CNTN1: variants seen among roughly 807,000 people sequenced by gnomAD.
CNTN1 encodes contactin-1.
In CNTN1, 38 loss-of-function variants were observed where a neutral mutation model predicts 126.4. The ratio of observed to expected loss-of-function variants is 0.30; its 90% CI spans 0.23 to 0.39. CNTN1 has a LOEUF of 0.39. CNTN1 is among the 10% of genes least tolerant of loss of function. The pLI is 1.00. For synonymous variants in CNTN1, 413 were observed against 422.6 expected, an observed-to-expected ratio of 0.98 and a Z score of 0.28; for missense variants, 1,009 against 1,248.4, an observed-to-expected ratio of 0.81 and a Z score of 2.89.
At chr12:41,038,225 G>T (rs2120923608) in intron 23 of CNTN1, among the ~76,000 whole-genome samples, 1 of 152,174 alleles carries the variant, frequency 6.6e-6, no homozygotes, top group African/African-American at 2.4e-5. Flanking sequence ...TTTTAAAGTG[G>T]CAAAAGTCAA....
intron 1 of CNTN1, among the ~76,000 whole-genome samples, chr12:40,862,065 A>AG (rs1262179805): frequency 2.0e-5 from 3 of 150,728 alleles, no homozygotes; most frequent in Non-Finnish European, 4.4e-5. Context: ...AATAAAGAAA[A>AG]AAAAAAATAG....
At chr12:41,032,149 C>T (rs1949156748) in intron 23 of CNTN1, among the ~76,000 whole-genome samples, 1 of 152,138 alleles carries the variant, frequency 6.6e-6, no homozygotes, top group Non-Finnish European at 1.5e-5. Context: ...GGCCCTGCTG[C>T]AATTCTAATG....
At position 41,071,898 on chromosome 12, in the gene CNTN1, A is replaced by G. The variant is rs1314736571; in HGVS notation, c.*1863A>G. 6.6e-6 allele frequency: 1 copy of G among 152,206 alleles called. No individual in the cohort carries two copies. The highest frequency in any genetic ancestry group is 1.5e-5 in the Non-Finnish European group (1 of 68,022). 9.4% of individuals were successfully genotyped at this position (152,206 alleles called of 1,614,324 possible). A position where few individuals can be genotyped will look rare whatever the true frequency, so the allele number is the denominator to read the frequency against. Reference sequence around the variant, plus strand: ...TGTGACCCATGTTGGGCATTTTTATATAATCAACAACTAAATCTTTTGCCA... The same window carrying G: ...TGTGACCCATGTTGGGCATTTTTATGTAATCAACAACTAAATCTTTTGCCA... On this transcript the variant is annotated 3_prime_UTR_variant, in exon 24 of 24. Coordinates refer to ENST00000551295, the MANE Select transcript of CNTN1 (RefSeq NM_001843.4).
intron 6 of CNTN1, among the ~76,000 whole-genome samples, chr12:40,925,689 C>T (rs1945645761): frequency 7.0e-6 from 1 of 142,506 alleles, no homozygotes; most frequent in South Asian, 2.2e-4. Context: ...TGATTTTCTC[C>T]ACAATAGGAG....
chr12:41,061,745 A>G, intron 23 of CNTN1: 1 of 455,352 alleles, frequency 2.2e-6, no homozygotes, highest in Non-Finnish European at 4.4e-6. Flanking sequence ...ATAACATTAA[A>G]CCCTATCATT....
intron 23 of CNTN1, among the ~76,000 whole-genome samples, chr12:41,037,663 T>TAC (rs55890336): frequency 0.098 from 14,117 of 144,356 alleles, 655 homozygotes; most frequent in Middle Eastern, 0.14. Flanking sequence ...GTGTGTTTAA[T>TAC]ACACACACAC....
In CNTN1 at chr12:40,949,460, A is replaced by G. The variant is rs572127617; in HGVS notation, c.1683+5290A>G. On this transcript the variant is annotated intron_variant, in intron 14 of 23. Transcript: ENST00000551295. ...CCCACAACAGTCCCCAGAGTGTGAT[A>G]TTCCCCTTCCTGTGTCCATGTGATC... 1.1e-3 allele frequency among the ~76,000 whole-genome samples: 134 copies of G among 120,592 alleles called. 1 individual carries two copies. The highest frequency in any genetic ancestry group is 3.7e-3 in the East Asian group (14 of 3,746). The allele number at this position is 120,592 out of a possible 152,430, so 79.1% of individuals were successfully genotyped here. A position where few individuals can be genotyped will look rare whatever the true frequency, so the allele number is the denominator to read the frequency against.
intron 1 of CNTN1, among the ~76,000 whole-genome samples, chr12:40,891,975 G>A (rs1010789857): frequency 6.6e-6 from 1 of 152,030 alleles, no homozygotes; most frequent in Non-Finnish European, 1.5e-5. Context: ...ATCAAGCTGG[G>A]CAGAACTGAT....
At chr12:40,922,198 C>T in intron 4 of CNTN1, 58 bp from the exon 5 acceptor site, 1 of 1,459,094 alleles carries the variant, frequency 6.9e-7, no homozygotes, top group South Asian at 1.1e-5. Context: ...TGTGTTAGCT[C>T]CGTAGAGTTT....
At chr12:40,919,689 G>A (rs1267494047) in intron 4 of CNTN1, among the ~76,000 whole-genome samples, 1 of 152,072 alleles carries the variant, frequency 6.6e-6, no homozygotes, top group East Asian at 1.9e-4. Context: ...ACAGTACTCA[G>A]TTTTTTCCTG....
intron 14 of CNTN1, among the ~76,000 whole-genome samples, chr12:40,945,621 T>C (rs935663716): frequency 4.0e-5 from 6 of 150,952 alleles, no homozygotes; most frequent in Non-Finnish European, 5.9e-5. Flanking sequence ...TTCTTTAAAA[T>C]ACTAATTACA....
chr12:40,796,272 A>G (rs189711526), intron 1 of CNTN1, among the ~76,000 whole-genome samples: 14 of 152,226 alleles, frequency 9.2e-5, no homozygotes, highest in African/African-American at 3.1e-4. Flanking sequence ...ACATTAAAGC[A>G]ATCATGGTAT....
chr12:40,941,529 T>TTGA (rs1318993856), intron 12 of CNTN1, among the ~76,000 whole-genome samples: 1 of 152,162 alleles, frequency 6.6e-6, no homozygotes, highest in Admixed American at 6.6e-5. Context: ...GCTATGTATC[T>TTGA]TGATAAATAG....
chr12:40,949,573 T>C (rs1015480690), intron 14 of CNTN1, among the ~76,000 whole-genome samples: 33 of 97,556 alleles, frequency 3.4e-4, no homozygotes, highest in African/African-American at 1.0e-3. Flanking sequence ...TTCTTTCTTT[T>C]TTTTTTTTTT....
intron 2 of CNTN1, among the ~76,000 whole-genome samples, chr12:40,909,708 C>T (rs1412680948): frequency 1.3e-5 from 2 of 151,442 alleles, no homozygotes; most frequent in African/African-American, 4.8e-5. Flanking sequence ...TATGCACACA[C>T]ACCCACATAC....
At chr12:40,806,598 T>C (rs183430977) in intron 1 of CNTN1, among the ~76,000 whole-genome samples, 3 of 152,268 alleles carry the variant, frequency 2.0e-5, no homozygotes, top group East Asian at 3.9e-4. Context: ...CAATCTTCTT[T>C]ATGAGCACTT....
chr12:40,792,077 G>GA (rs1940240432), intron 1 of CNTN1, among the ~76,000 whole-genome samples: 1 of 152,008 alleles, frequency 6.6e-6, no homozygotes, highest in Admixed American at 6.6e-5. Flanking sequence ...AGAATTCATA[G>GA]AAAAAAATTA....
intron 1 of CNTN1, among the ~76,000 whole-genome samples, chr12:40,871,074 G>C (rs887092776): frequency 6.6e-6 from 1 of 151,316 alleles, no homozygotes; most frequent in Non-Finnish European, 1.5e-5. Flanking sequence ...TTTATTCCCT[G>C]GAATAATCCT....
intron 1 of CNTN1, among the ~76,000 whole-genome samples, chr12:40,693,609 C>CTTAT (rs1012237124): frequency 7.2e-5 from 11 of 152,058 alleles, no homozygotes; most frequent in African/African-American, 1.9e-4. Flanking sequence ...GCGACCTTTC[C>CTTAT]TTATTTATTT....
Sources: gnomAD v4.1 joint callset for allele counts (sites outside exome capture counted in the v4.1 genomes callset) on GRCh38, gnomAD v4.1.1 for gene constraint, MANE v1.5 for transcripts, NCBI Gene and HGNC (gene_info 2026-07-23, HGNC 2026-07-21) for gene names.